PPP1R9A: variants seen among roughly 807,000 people sequenced by gnomAD.
PPP1R9A encodes the protein neurabin-1.
A neutral mutation model predicts 141.9 loss-of-function variants in PPP1R9A; 59 were observed. The ratio of observed to expected loss-of-function variants is 0.42; its 90% CI spans 0.34 to 0.52. PPP1R9A has a LOEUF of 0.52. Ranked by LOEUF, PPP1R9A falls within the 20% of genes least tolerant of loss-of-function variation. The pLI, the probability that PPP1R9A is intolerant of heterozygous loss-of-function variation, is 0.10. For synonymous variants in PPP1R9A, 500 were observed against 569.7 expected, an observed-to-expected ratio of 0.88 and a Z score of 1.74; for missense variants, 1,444 against 1,611.9, an observed-to-expected ratio of 0.90 and a Z score of 1.78.
chr7:95,047,010 G>C (rs1810116865), intron 2 of PPP1R9A, among the ~76,000 whole-genome samples: 1 of 152,154 alleles, frequency 6.6e-6, no homozygotes, highest in South Asian at 2.1e-4. Flanking sequence ...TGTGGTGCTG[G>C]GCTCTCTCCT....
intron 2 of PPP1R9A, among the ~76,000 whole-genome samples, chr7:95,041,738 C>G (rs1188331277): frequency 6.6e-6 from 1 of 152,008 alleles, no homozygotes; most frequent in Non-Finnish European, 1.5e-5. Context: ...CTATATCACT[C>G]TGAAGTGACT....
chr7:95,123,166 T>C (rs1822936650), intron 4 of PPP1R9A, among the ~76,000 whole-genome samples: 2 of 152,238 alleles, frequency 1.3e-5, no homozygotes, highest in Admixed American at 1.3e-4. Flanking sequence ...GTTTGCTTTC[T>C]ATTAACCTAT....
At chr7:94,927,578 C>T (rs950014577) in intron 2 of PPP1R9A, among the ~76,000 whole-genome samples, 1 of 152,136 alleles carries the variant, frequency 6.6e-6, no homozygotes, top group Non-Finnish European at 1.5e-5. Context: ...GAAGCATTGT[C>T]TTCTGAGTTG....
At chr7:95,278,269 A>G (rs918492617) in intron 16 of PPP1R9A, among the ~76,000 whole-genome samples, 2 of 152,182 alleles carry the variant, frequency 1.3e-5, no homozygotes, top group African/African-American at 2.4e-5. Context: ...AGGCTAGTCT[A>G]TATTGGGATA....
intron 8 of PPP1R9A, among the ~76,000 whole-genome samples, chr7:95,245,480 T>C (rs1475739247): frequency 6.6e-6 from 1 of 152,078 alleles, no homozygotes; most frequent in East Asian, 1.9e-4. Context: ...CTAAAATGAG[T>C]TCAGAAGAGC....
chr7:95,206,408 A>C (rs923913103), intron 7 of PPP1R9A, among the ~76,000 whole-genome samples: 2 of 152,214 alleles, frequency 1.3e-5, no homozygotes, highest in Non-Finnish European at 2.9e-5. Context: ...GATCTTAAAG[A>C]TATAATTTTA....
At chr7:95,061,887 A>G (rs1409203372) in intron 2 of PPP1R9A, among the ~76,000 whole-genome samples, 1 of 152,172 alleles carries the variant, frequency 6.6e-6, no homozygotes, top group Non-Finnish European at 1.5e-5. Context: ...TTTAAAATAA[A>G]AGTGAGATAT....
At chr7:95,076,290 G>C (rs551973099) in intron 2 of PPP1R9A, among the ~76,000 whole-genome samples, 4 of 152,266 alleles carry the variant, frequency 2.6e-5, no homozygotes, top group African/African-American at 7.2e-5. Context: ...GGCATATTTT[G>C]CAATGGCCTA....
At chr7:95,195,700 A>G (rs996343857) in intron 5 of PPP1R9A, among the ~76,000 whole-genome samples, 5 of 152,080 alleles carry the variant, frequency 3.3e-5, no homozygotes, top group Non-Finnish European at 7.4e-5. Context: ...ACCTACATGT[A>G]TATTGTGTAT....
intron 2 of PPP1R9A, among the ~76,000 whole-genome samples, chr7:95,029,501 T>C (rs565561656): frequency 2.6e-5 from 4 of 152,328 alleles, no homozygotes; most frequent in East Asian, 3.9e-4. Context: ...AGAATGTATA[T>C]TAAAATATTG....
chr7:94,934,887 G>T (rs545734503), intron 2 of PPP1R9A, among the ~76,000 whole-genome samples: 24 of 151,740 alleles, frequency 1.6e-4, no homozygotes, highest in African/African-American at 5.6e-4. Flanking sequence ...GAGATGTGTT[G>T]CCCAGGCTGG....
chr7:95,230,920 G>A (rs746071586), intron 8 of PPP1R9A, among the ~76,000 whole-genome samples: 3 of 152,106 alleles, frequency 2.0e-5, no homozygotes, highest in African/African-American at 4.8e-5. Context: ...TACTAACATT[G>A]AATGTAAATG....
At chr7:95,184,893 A>G (rs1205222817) in intron 5 of PPP1R9A, among the ~76,000 whole-genome samples, 3 of 152,010 alleles carry the variant, frequency 2.0e-5, no homozygotes. Flanking sequence ...AGGGTGTTCT[A>G]TCTTTTTGCA....
chr7:95,034,696 T>C (rs955775901), intron 2 of PPP1R9A, among the ~76,000 whole-genome samples: 3 of 152,196 alleles, frequency 2.0e-5, no homozygotes, highest in African/African-American at 7.2e-5. Flanking sequence ...TATTTGAGTC[T>C]ACAAATACAG....
At chr7:95,182,700 G>A (rs1834034085) in intron 5 of PPP1R9A, among the ~76,000 whole-genome samples, 1 of 152,118 alleles carries the variant, frequency 6.6e-6, no homozygotes, top group African/African-American at 2.4e-5. Flanking sequence ...TTATTCCTAA[G>A]ACTACCGCTT....
intron 7 of PPP1R9A, among the ~76,000 whole-genome samples, chr7:95,216,245 T>C (rs1293133162): frequency 6.6e-6 from 1 of 152,234 alleles, no homozygotes; most frequent in Non-Finnish European, 1.5e-5. Context: ...TTGCTTGTTT[T>C]TGTCAGGTTT....
At chr7:95,286,105 G>C in intron 17 of PPP1R9A, 101 bp from the exon 18 acceptor site, 1 of 1,500,558 alleles carries the variant, frequency 6.7e-7, no homozygotes, top group South Asian at 1.3e-5. Flanking sequence ...ATGAATTTCT[G>C]CTAAGATTGT....
rs190859611 is a variant in PPP1R9A, at chr7:95,246,791, G to C, written c.2113-682G>C. Among the ~76,000 whole-genome samples the C allele has an allele frequency of 3.1e-3, 473 of 152,218 alleles. 4 individuals are homozygous for C. Among genetic ancestry groups the C allele is most frequent in the African/African-American group, 0.011 (449 of 41,542 alleles). On this transcript the variant is annotated intron_variant, in intron 8 of 19. Transcript: ENST00000433360. Reference sequence around the variant, plus strand: ...CTTCCCTTACAAAGAAAACAAAGCGGGGGGAGGGACAAGCAAAACAAATGT... The same window carrying C: ...CTTCCCTTACAAAGAAAACAAAGCGCGGGGAGGGACAAGCAAAACAAATGT...
chr7:95,289,884 A>T (rs1222891156), intron 19 of PPP1R9A, among the ~76,000 whole-genome samples: 1 of 152,236 alleles, frequency 6.6e-6, no homozygotes, highest in Non-Finnish European at 1.5e-5. Context: ...GCTTTAGGGT[A>T]TACTTTGCAA....
Sources: gnomAD v4.1 joint callset for allele counts (sites outside exome capture counted in the v4.1 genomes callset) on GRCh38, gnomAD v4.1.1 for gene constraint, MANE v1.5 for transcripts, NCBI Gene and HGNC (gene_info 2026-07-23, HGNC 2026-07-21) for gene names.